Variants in ZNF540 observed in about 807,000 individuals in gnomAD.
The protein encoded by ZNF540 is CTD-3064H18.6.
In ZNF540, 3 loss-of-function variants were observed where a neutral mutation model predicts 11.8. That is an observed-to-expected ratio of 0.25 (90% CI 0.12 to 0.65). The LOEUF (loss-of-function observed/expected upper bound fraction) is 0.65, where lower values mean the gene tolerates loss of function less well. ZNF540 is among the 30% of genes least tolerant of loss of function. The probability of loss-of-function intolerance (pLI) is 0.83; values close to 1 mark genes in which losing one functional copy is unlikely to be tolerated. For synonymous variants in ZNF540, 247 were observed against 259.0 expected (o/e 0.95, Z 0.45); for missense variants, 709 against 793.1 (o/e 0.89, Z 1.27).
intron 1 of ZNF540, chr19:37,586,773 T>G: frequency 7.6e-7 from 1 of 1,322,192 alleles, no homozygotes; most frequent in Non-Finnish European, 1.1e-6. Flanking sequence ...GCCACAAGAT[T>G]AGACTTGGCT....
chr19:37,553,409 A>G (rs928128382), intron 1 of ZNF540, among the ~76,000 whole-genome samples: 3 of 152,024 alleles, frequency 2.0e-5, no homozygotes, highest in Non-Finnish European at 4.4e-5. Flanking sequence ...CTGGCATTAC[A>G]GGCATCAGCC....
At chr19:37,593,391 TAC>T (rs2043924019), upstream of ZNF540, among the ~76,000 whole-genome samples, 3 of 151,984 alleles carry the variant, frequency 2.0e-5, no homozygotes, top group African/African-American at 7.3e-5. Flanking sequence ...CCCCAGAAAG[TAC>T]AGTTATTTTT....
intron 1 of ZNF540, chr19:37,564,583 A>T: frequency 6.9e-7 from 1 of 1,459,214 alleles, no homozygotes; most frequent in Non-Finnish European, 9.1e-7. Context: ...AAATTTAATC[A>T]CATTCAAGGC....
In ZNF540 at chr19:37,601,027, C is replaced by G. The variant is rs774981226; in HGVS notation, c.154C>G (p.Pro52Ala). 6.3e-7 allele frequency: 1 copy of G among 1,585,520 alleles called. No individual in the cohort carries two copies. The highest frequency in any genetic ancestry group is 2.3e-5 in the East Asian group (1 of 43,086). ...GTAAGCAGGATATTCTGGCTCAAAG[C>G]CAGATGTGATTACCTTACTGGAGCA... ...LVSLGYSGSK[P>A]DVITLLEQGK... The change falls in exon 4 of 5, where the codon CCA becomes GCA. Residue 52 changes from proline to alanine, a missense_variant. Pro to Ala is a conservative substitution (Grantham distance 27). Transcript: ENST00000316433.
intron 1 of ZNF540, chr19:37,565,042 A>G: frequency 6.2e-7 from 1 of 1,613,892 alleles, no homozygotes; most frequent in Non-Finnish European, 8.5e-7. Context: ...CATGTTGAGT[A>G]AGATATGCAA....
chr19:37,569,647 C>G lies in ZNF540; in HGVS notation c.-73+17982C>G, dbSNP rs2042988832. 6.6e-6 allele frequency among the ~76,000 whole-genome samples: 1 copy of G among 152,064 alleles called. No homozygotes were observed. Among genetic ancestry groups the G allele is most frequent in the Non-Finnish European group, 1.5e-5 (1 of 68,018 alleles). ...ATTCATAACCTCTAGCAGGTTCTGC[C>G]CGGCCTGGCTCCAGTCAACCTCTCC... On this transcript the variant is annotated intron_variant, in intron 1 of 4. Coordinates refer to the ZNF540 transcript ENST00000592533. The surrounding 1 kb of genome is among the most constrained non-coding windows in gnomAD (Gnocchi z 4.4).
intron 1 of ZNF540, among the ~76,000 whole-genome samples, chr19:37,561,160 G>C (rs116875033): frequency 0.046 from 6,911 of 151,674 alleles, 211 homozygotes; most frequent in East Asian, 0.1. Flanking sequence ...AGGATCACTT[G>C]AGCCCAGGAG....
At chr19:37,581,617 A>G (rs2043468474) in intron 1 of ZNF540, among the ~76,000 whole-genome samples, 1 of 151,986 alleles carries the variant, frequency 6.6e-6, no homozygotes, top group Non-Finnish European at 1.5e-5. Context: ...GGCATGTGAC[A>G]TAATGCCCTG....
intron 2 of ZNF540, among the ~76,000 whole-genome samples, chr19:37,598,729 T>C (rs572330420): frequency 6.6e-6 from 1 of 152,272 alleles, no homozygotes; most frequent in Admixed American, 6.5e-5. Context: ...AGATCTGAGG[T>C]GTAATGAAAC....
At chr19:37,570,121 A>G (rs548288626) in intron 1 of ZNF540, 3 of 152,194 alleles carry the variant, frequency 2.0e-5, no homozygotes, top group Non-Finnish European at 4.4e-5. Context: ...ACCCTCCCCT[A>G]AAAGACCACT....
upstream of ZNF540, chr19:37,594,758 G>T (rs1489267355): frequency 6.6e-6 from 1 of 152,198 alleles, no homozygotes; most frequent in East Asian, 1.9e-4. Flanking sequence ...GCGCAGACAA[G>T]CTCCGTGCGT....
chr19:37,559,336 TTTGAC>T (rs1417791421), intron 1 of ZNF540, among the ~76,000 whole-genome samples: 3 of 152,240 alleles, frequency 2.0e-5, no homozygotes, highest in Non-Finnish European at 4.4e-5. Flanking sequence ...CACAAATACT[TTTGAC>T]TTGGCAGTAT....
At chr19:37,573,291 C>T (rs1006061803) in intron 1 of ZNF540, among the ~76,000 whole-genome samples, 3 of 152,140 alleles carry the variant, frequency 2.0e-5, no homozygotes, top group South Asian at 2.1e-4. Flanking sequence ...CTATTATTAA[C>T]GGCATGATTG....
At chr19:37,584,237 T>C (rs893398649) in intron 1 of ZNF540, 39 of 1,065,426 alleles carry the variant, frequency 3.7e-5, no homozygotes, top group Non-Finnish European at 5.1e-5. Flanking sequence ...AGTATTAACC[T>C]GATTCTCTAT....
In ZNF540 at chr19:37,584,312, CTGAGA is replaced by C. The variant is rs536406129; in HGVS notation, c.-72-14063_-72-14059del. 3.9e-5 allele frequency among the ~76,000 whole-genome samples: 6 copies of C among 152,272 alleles called. No individual in the cohort carries two copies. In the South Asian group the frequency reaches 8.3e-4, roughly 21 times the overall value. On this transcript the variant is annotated intron_variant, in intron 1 of 4. Coordinates refer to the ZNF540 transcript ENST00000592533. ...GAACAATTCCATTATCCAGAAAGGT[CTGAGA>C]ATTTAAAAAGCCAGATGTGTGCAGT... is the stretch of plus-strand genomic sequence containing the variant.
intron 1 of ZNF540, among the ~76,000 whole-genome samples, chr19:37,572,650 A>G (rs772286871): frequency 5.9e-5 from 9 of 152,228 alleles, no homozygotes; most frequent in Admixed American, 5.2e-4. Context: ...AGTATGCAAG[A>G]ACTGCTAACT....
At chr19:37,585,504 C>T (rs2043639446) in intron 1 of ZNF540, 1 of 152,152 alleles carries the variant, frequency 6.6e-6, no homozygotes, top group African/African-American at 2.4e-5. Flanking sequence ...CAATGACCAA[C>T]AAAGCAATGA....
upstream of ZNF540, among the ~76,000 whole-genome samples, chr19:37,593,689 C>A (rs550243695): frequency 6.6e-6 from 1 of 152,058 alleles, no homozygotes; most frequent in African/African-American, 2.4e-5. Flanking sequence ...GGCGACACAG[C>A]GAGAATCCGT....
At chr19:37,558,812 C>T (rs900255503) in intron 1 of ZNF540, among the ~76,000 whole-genome samples, 1 of 137,514 alleles carries the variant, frequency 7.3e-6, no homozygotes, top group Non-Finnish European at 1.7e-5. Context: ...TGCACAACTT[C>T]ACTATATATA....
Sources: allele counts gnomAD v4.1 joint callset (sites outside exome capture counted in the v4.1 genomes callset), GRCh38; gene constraint gnomAD v4.1.1; non-coding constraint Gnocchi (gnomAD v3.1); transcripts MANE v1.5; gene names NCBI Gene and HGNC (gene_info 2026-07-23, HGNC 2026-07-21).